DENND1B: variants seen among roughly 807,000 people sequenced by gnomAD.
DENND1B encodes the protein DENN domain-containing protein 1B.
Under a neutral mutation model 90.1 loss-of-function variants are expected in DENND1B, and 59 were observed. The ratio of observed to expected loss-of-function variants is 0.65; its 90% CI spans 0.53 to 0.81. DENND1B has a LOEUF of 0.81. DENND1B is among the 40% of genes least tolerant of loss of function. The pLI is 0.00. For missense variants in DENND1B, 862 were observed against 912.6 expected (o/e 0.94, Z 0.71); for synonymous variants, 337 against 324.6 (o/e 1.04, Z -0.41).
intron 18 of DENND1B, among the ~76,000 whole-genome samples, chr1:197,544,888 G>GGA (rs1670629192): frequency 8.6e-6 from 1 of 116,034 alleles, no homozygotes; most frequent in Non-Finnish European, 1.9e-5. Flanking sequence ...AAGAGGAAGA[G>GGA]GAAGAAGAAG....
intron 2 of DENND1B, among the ~76,000 whole-genome samples, chr1:197,740,166 A>T (rs946854744): frequency 1.3e-5 from 2 of 152,048 alleles, no homozygotes; most frequent in East Asian, 3.9e-4. Flanking sequence ...GAAAAAGGTA[A>T]AGAAATTACT....
rs760622819 is a variant in DENND1B, at chr1:197,544,866, GAGA to G, written c.1350+1053_1350+1055del. ...GAAGAAGAGGAAGAAGAGGAAGGAG[GAGA>G]AGGAGATGAAGAGGAAGAGGAAGAA... On this transcript the variant is annotated intron_variant, in intron 18 of 22. Coordinates refer to ENST00000620048, the MANE Select transcript of DENND1B (RefSeq NM_001195215.2). Among the ~76,000 whole-genome samples, 131 of 74,116 alleles carry G rather than the reference GAGA, an allele frequency of 1.8e-3. 3 individuals are homozygous for G. Among genetic ancestry groups the G allele is most frequent in the Middle Eastern group, 0.016 (2 of 128 alleles). 48.6% of individuals were successfully genotyped at this position (74,116 alleles called of 152,430 possible). A position where few individuals can be genotyped will look rare whatever the true frequency, so the allele number is the denominator to read the frequency against.
intron 3 of DENND1B, among the ~76,000 whole-genome samples, chr1:197,676,811 T>C (rs1184618513): frequency 6.6e-6 from 1 of 152,058 alleles, no homozygotes; most frequent in African/African-American, 2.4e-5. Context: ...AAATTTATAT[T>C]TTGGGGGGTT....
chr1:197,772,874 T>C lies in DENND1B; in HGVS notation c.76A>G (p.Asn26Asp). Residue 26 changes from asparagine to aspartate, a missense_variant, in exon 2 of 23, where the codon AAT (asparagine) becomes GAT (aspartate). Asn to Asp is a conservative substitution (Grantham distance 23, BLOSUM62 1). Transcript: ENST00000620048. ...VLKVKCHASE[N>D]EDPVVLWKFP... is the part of the protein sequence containing the mutation. ...GAACACAGAAGACACATACCTTCATTTTCAGAGGCATGACATTTCACTTTC... is the reference window on the plus strand; with the variant it reads ...GAACACAGAAGACACATACCTTCATCTTCAGAGGCATGACATTTCACTTTC... The C allele has an allele frequency of 6.4e-7, 1 of 1,551,588 alleles. No individual in the cohort carries two copies.
chr1:197,670,206 CA>C (rs1173553969), intron 5 of DENND1B, among the ~76,000 whole-genome samples: 6 of 152,088 alleles, frequency 3.9e-5, no homozygotes, highest in African/African-American at 1.4e-4. Context: ...TCCACAAGCA[CA>C]TTTATAGAAA....
chr1:197,730,462 A>T (rs899617587), intron 2 of DENND1B, among the ~76,000 whole-genome samples: 1 of 152,202 alleles, frequency 6.6e-6, no homozygotes, highest in African/African-American at 2.4e-5. Context: ...ATGAAAACAA[A>T]ATCACCTAAT....
At chr1:197,649,568 A>C (rs1049898518) in intron 7 of DENND1B, among the ~76,000 whole-genome samples, 7 of 152,192 alleles carry the variant, frequency 4.6e-5, no homozygotes, top group Admixed American at 4.6e-4. Flanking sequence ...AAACCCAAAT[A>C]CTAACAGCCA....
intron 2 of DENND1B, among the ~76,000 whole-genome samples, chr1:197,719,672 C>A (rs1023020367): frequency 6.6e-6 from 1 of 152,068 alleles, no homozygotes; most frequent in Non-Finnish European, 1.5e-5. Context: ...AGCAAAGTGG[C>A]ATTTCTCTCA....
At chr1:197,516,728 C>A (rs1014667681) in intron 20 of DENND1B, among the ~76,000 whole-genome samples, 1 of 151,664 alleles carries the variant, frequency 6.6e-6, no homozygotes, top group Admixed American at 6.6e-5. Flanking sequence ...GGTGCCAATA[C>A]CCAGCCAGTA....
chr1:197,628,377 C>T (rs1678988319), intron 10 of DENND1B, among the ~76,000 whole-genome samples: 1 of 152,088 alleles, frequency 6.6e-6, no homozygotes, highest in African/African-American at 2.4e-5. Flanking sequence ...CGCCGCATAA[C>T]TACAACTATC....
intron 2 of DENND1B, among the ~76,000 whole-genome samples, chr1:197,769,722 T>C (rs1558501954): frequency 6.6e-6 from 1 of 152,262 alleles, no homozygotes; most frequent in East Asian, 1.9e-4. Context: ...TCTATTACTA[T>C]TTAAGAATTT....
intron 2 of DENND1B, among the ~76,000 whole-genome samples, chr1:197,740,456 T>C (rs1663113635): frequency 6.6e-6 from 1 of 152,154 alleles, no homozygotes; most frequent in Non-Finnish European, 1.5e-5. Flanking sequence ...GATCCCTATA[T>C]GGGGAAGACT....
intron 5 of DENND1B, among the ~76,000 whole-genome samples, chr1:197,660,409 T>A (rs971369444): frequency 6.6e-6 from 1 of 151,848 alleles, no homozygotes; most frequent in African/African-American, 2.4e-5. Context: ...AGGCCATCAA[T>A]CTCAACTATC....
intron 2 of DENND1B, among the ~76,000 whole-genome samples, chr1:197,719,478 C>CA (rs1265305764): frequency 1.3e-5 from 2 of 151,864 alleles, no homozygotes; most frequent in Admixed American, 1.3e-4. Context: ...ATCTGTAGTG[C>CA]AAAAATATGA....
At chr1:197,683,788 A>G (rs891059582) in intron 3 of DENND1B, among the ~76,000 whole-genome samples, 2 of 152,130 alleles carry the variant, frequency 1.3e-5, no homozygotes, top group Admixed American at 6.6e-5. Flanking sequence ...TTTCCTAACC[A>G]CTTGTATCAA....
intron 15 of DENND1B, among the ~76,000 whole-genome samples, chr1:197,558,512 T>C (rs1362500489): frequency 6.6e-6 from 1 of 151,752 alleles, no homozygotes; most frequent in Non-Finnish European, 1.5e-5. Flanking sequence ...AAAACAAATA[T>C]ACATGTTACA....
intron 2 of DENND1B, among the ~76,000 whole-genome samples, chr1:197,753,142 T>C (rs190385588): frequency 1.1e-4 from 16 of 150,860 alleles, no homozygotes; most frequent in Admixed American, 1.0e-3. Flanking sequence ...AATGTTAAAT[T>C]GGAAAAATAT....
In DENND1B at chr1:197,510,460, T is replaced by C. The variant is rs767757248; in HGVS notation, c.2328A>G (p.Ter776=). 6 of 1,598,698 alleles carry C rather than the reference T, an allele frequency of 3.8e-6. No individual in the cohort carries two copies. The South Asian group carries it at 6.8e-5, about 18-fold the overall frequency. Residue 776 remains the stop codon, a stop_retained_variant, in exon 23 of 23, where the codon TAA becomes TAG. Coordinates refer to ENST00000620048, the MANE Select transcript of DENND1B (RefSeq NM_001195215.2). ...CTCCATAGAAGCTTGGATGCAAGATTTAAGTTTGGTTTCCATTTGTGTTTT... is the reference window on the plus strand; with the variant it reads ...CTCCATAGAAGCTTGGATGCAAGATCTAAGTTTGGTTTCCATTTGTGTTTT... ...SDKNTNGNQT[*] is the part of the protein sequence containing the mutation.
At chr1:197,527,534 G>A (rs1035140507) in intron 20 of DENND1B, among the ~76,000 whole-genome samples, 2 of 150,056 alleles carry the variant, frequency 1.3e-5, no homozygotes, top group South Asian at 2.1e-4. Flanking sequence ...CGCCTGCCTC[G>A]GCCTCCAAAC....
Sources: allele counts gnomAD v4.1 joint callset (sites outside exome capture counted in the v4.1 genomes callset), GRCh38; gene constraint gnomAD v4.1.1; transcripts MANE v1.5; gene names NCBI Gene and HGNC (gene_info 2026-07-23, HGNC 2026-07-21).